The following COL6A5 variants were observed in gnomAD, a reference collection of about 807,000 sequenced individuals.
COL6A5 encodes collagen alpha-5(VI) chain.
Under a neutral mutation model 65.6 loss-of-function variants are expected in COL6A5, and 48 were observed. That is an observed-to-expected ratio of 0.73 (90% confidence interval 0.58 to 0.93). The LOEUF is 0.93. COL6A5 is among the 40% of genes least tolerant of loss of function. The pLI is 0.00. For synonymous variants in COL6A5, 291 were observed against 322.8 expected (o/e 0.90, Z 1.05); for missense variants, 914 against 928.3 (o/e 0.98, Z 0.20).
At chr3:130,479,949 G>A (rs1336760833) in intron 7 of COL6A5, among the ~76,000 whole-genome samples, 1 of 151,946 alleles carries the variant, frequency 6.6e-6, no homozygotes, top group Non-Finnish European at 1.5e-5. Context: ...CTAAATGACT[G>A]GATAACTGAT....
exon 12 of COL6A5, chr3:130,401,831 A>G: frequency 6.4e-7 from 1 of 1,551,286 alleles, no homozygotes. Context: ...ACCTCATGGG[A>G]CCCGAGGACT....
intron 10 of COL6A5, among the ~76,000 whole-genome samples, chr3:130,400,784 T>G (rs1936787886): frequency 6.6e-6 from 1 of 152,212 alleles, no homozygotes; most frequent in Non-Finnish European, 1.5e-5. Flanking sequence ...GTAAATCGTT[T>G]CTCTTGAATA....
chr3:130,405,807 A>G, intron 14 of COL6A5, 148 bp downstream of exon 14: 3 of 899,576 alleles, frequency 3.3e-6, no homozygotes, highest in Non-Finnish European at 1.7e-6. Context: ...TCCTGTCTGC[A>G]GACTAATTCT....
intron 5 of COL6A5, among the ~76,000 whole-genome samples, chr3:130,458,789 G>C (rs769923375): frequency 1.3e-5 from 2 of 152,082 alleles, no homozygotes; most frequent in Non-Finnish European, 2.9e-5. Context: ...TAAATATGTA[G>C]AGATTATCGA....
chr3:130,362,282 CTT>C (rs1935141425), intron 1 of COL6A5, among the ~76,000 whole-genome samples: 1 of 52,482 alleles, frequency 1.9e-5, no homozygotes, highest in South Asian at 6.4e-4. Context: ...TTGTCTCTGT[CTT>C]TCTCCATATA....
intron 17 of COL6A5, among the ~76,000 whole-genome samples, chr3:130,406,892 A>G (rs1245523040): frequency 1.3e-5 from 2 of 152,202 alleles, no homozygotes; most frequent in Non-Finnish European, 2.9e-5. Flanking sequence ...GGCACCTGTC[A>G]TTGGCCAGGC....
chr3:130,379,629 A>G (rs1052693622), exon 4 of COL6A5: 1 of 1,551,482 alleles, frequency 6.4e-7, no homozygotes, highest in Non-Finnish European at 8.7e-7. Flanking sequence ...AATCAAGCAC[A>G]ACCCAATCTG....
At chr3:130,381,863 C>T (rs553752752) in intron 4 of COL6A5, among the ~76,000 whole-genome samples, 1 of 152,020 alleles carries the variant, frequency 6.6e-6, no homozygotes, top group African/African-American at 2.4e-5. Flanking sequence ...TGCAATGATG[C>T]CACAAAAAAT....
intron 1 of COL6A5, among the ~76,000 whole-genome samples, chr3:130,360,004 C>T (rs1455135341): frequency 6.6e-6 from 1 of 151,860 alleles, no homozygotes; most frequent in Non-Finnish European, 1.5e-5. Context: ...GGGGGAATGA[C>T]AACTACATCA....
At chr3:130,466,092 A>G (rs773778384) in intron 5 of COL6A5, among the ~76,000 whole-genome samples, 76 of 152,114 alleles carry the variant, frequency 5.0e-4, no homozygotes, top group Non-Finnish European at 7.5e-4. Flanking sequence ...GCAGGAATAT[A>G]GTAGGCTTGA....
chr3:130,371,374 C>T (rs899040163), intron 1 of COL6A5, among the ~76,000 whole-genome samples: 1 of 151,326 alleles, frequency 6.6e-6, no homozygotes, highest in African/African-American at 2.4e-5. Flanking sequence ...GCCAAAACAA[C>T]CTTGAAAAAG....
upstream of COL6A5, among the ~76,000 whole-genome samples, chr3:130,430,054 C>T (rs72982498): frequency 8.0e-3 from 1,214 of 152,234 alleles, 17 homozygotes; most frequent in African/African-American, 0.027. Context: ...AACCTGTAGT[C>T]GGGGCTGCAT....
rs116029600 is a variant in COL6A5 at position 130,415,707 on chromosome 3, G to T, written c.4824G>T (p.Gln1608His). ...GAAGCCAGGGGCAGAAAGGACCTCA[G>T]GTGAGTGACTCGGAGACATTAGGCT... Residue 1608 changes from glutamine to histidine, a missense_variant and splice_region_variant and NMD_transcript_variant, in exon 23 of 42, where the codon CAG becomes CAT. Coordinates refer to the COL6A5 transcript ENST00000312481. The T allele has an allele frequency of 3.9e-6, 6 of 1,547,678 alleles. No individual in the cohort carries two copies. In the Admixed American group the frequency reaches 5.9e-5, roughly 15 times the overall value.
chr3:130,436,654 A>G (rs1273124044), intron 1 of COL6A5, among the ~76,000 whole-genome samples: 1 of 150,642 alleles, frequency 6.6e-6, no homozygotes, highest in African/African-American at 2.4e-5. Flanking sequence ...AGTATACAAC[A>G]TTGTTGATCT....
chr3:130,460,728 G>A (rs1709683497), intron 5 of COL6A5, among the ~76,000 whole-genome samples: 1 of 152,116 alleles, frequency 6.6e-6, no homozygotes, highest in Non-Finnish European at 1.5e-5. Flanking sequence ...GGTTGAGGTG[G>A]GTGGTAGGGA....
intron 4 of COL6A5, among the ~76,000 whole-genome samples, chr3:130,446,044 A>G (rs924898579): frequency 1.3e-5 from 2 of 152,146 alleles, no homozygotes; most frequent in African/African-American, 4.8e-5. Flanking sequence ...CCAGAGACCA[A>G]ATGTCCCATT....
chr3:130,429,448 G>A, upstream of COL6A5: 1 of 725,902 alleles, frequency 1.4e-6, no homozygotes, highest in Non-Finnish European at 2.2e-6. Flanking sequence ...CTGTCACTTA[G>A]GAATTAGCCT....
At chr3:130,375,256 C>T (rs1559864714) in intron 2 of COL6A5, among the ~76,000 whole-genome samples, 1 of 152,162 alleles carries the variant, frequency 6.6e-6, no homozygotes, top group African/African-American at 2.4e-5. Context: ...AGAGGTTCTG[C>T]CTACAACCTT....
intron 1 of COL6A5, among the ~76,000 whole-genome samples, chr3:130,352,664 G>C (rs1485539202): frequency 1.3e-5 from 2 of 152,116 alleles, no homozygotes; most frequent in Non-Finnish European, 2.9e-5. Flanking sequence ...GTAAACCTTA[G>C]CTCTTCTGAC....
Sources: allele counts gnomAD v4.1 joint callset (sites outside exome capture counted in the v4.1 genomes callset), GRCh38; gene constraint gnomAD v4.1.1; transcripts MANE v1.5; gene names NCBI Gene and HGNC (gene_info 2026-07-23, HGNC 2026-07-21).